The following MACF1 variants were observed in gnomAD, a reference collection of about 807,000 sequenced individuals.
The protein encoded by MACF1 is microtubule actin crosslinking factor 1, also known as microtubule-actin cross-linking factor 1.
Under a neutral mutation model 854.8 loss-of-function variants are expected in MACF1, and 193 were observed. That is an observed-to-expected ratio of 0.23 (90% CI 0.20 to 0.25). The LOEUF is 0.25. Ranked by LOEUF, MACF1 falls within the 10% of genes least tolerant of loss-of-function variation. MACF1 has a pLI of 1.00. For missense variants in MACF1, 7,722 were observed against 8,929.1 expected (o/e 0.86, Z 5.45); for synonymous variants, 3,185 against 3,226.7 (o/e 0.99, Z 0.44).
chr1:39,413,877 C>T, intron 58 of MACF1: 1 of 1,610,364 alleles, frequency 6.2e-7, no homozygotes, highest in Non-Finnish European at 8.5e-7. Flanking sequence ...CAGTGCCCAC[C>T]CCTGCAGCTA....
In MACF1 at chr1:39,218,528, C is replaced by T. The variant is rs540410527; in HGVS notation, c.110-12654C>T. On this transcript the variant is annotated intron_variant, in intron 1 of 100. Transcript: ENST00000564288. ...GATTTTTGAGGACTCTTAAAACTCTCTCTTTGTATTTATGAAATGCTTCGT... is the reference window on the plus strand; with the variant it reads ...GATTTTTGAGGACTCTTAAAACTCTTTCTTTGTATTTATGAAATGCTTCGT... Among the ~76,000 whole-genome samples the T allele has an allele frequency of 1.6e-3, 248 of 152,174 alleles. 1 individual carries two copies. The highest frequency in any genetic ancestry group is 3.0e-3 in the Non-Finnish European group (206 of 68,014).
At chr1:39,394,798 C>T (rs1191534659) in intron 58 of MACF1, among the ~76,000 whole-genome samples, 1 of 152,206 alleles carries the variant, frequency 6.6e-6, no homozygotes. Context: ...ATGAGGTTAG[C>T]GTTATCTACC....
chr1:39,346,855 T>G, intron 40 of MACF1, 122 bp from the exon 41 acceptor site: 1 of 693,434 alleles, frequency 1.4e-6, no homozygotes. Context: ...CCTAGAATCA[T>G]TAGTGCCAGT....
chr1:39,315,395 C>T (rs1646392646), intron 26 of MACF1, 118 bp from the exon 27 acceptor site: 1 of 769,410 alleles, frequency 1.3e-6, no homozygotes, highest in Admixed American at 2.5e-5. Context: ...ATTCAACCAG[C>T]CTCCTATATA....
intron 6 of MACF1, among the ~76,000 whole-genome samples, chr1:39,260,831 CA>C (rs1645155481): frequency 6.6e-6 from 1 of 152,070 alleles, no homozygotes; most frequent in South Asian, 2.1e-4. Context: ...GACTTTATAT[CA>C]TTTTTTTTCT....
At chr1:39,232,641 A>G (rs775062531) in intron 2 of MACF1, among the ~76,000 whole-genome samples, 8 of 152,068 alleles carry the variant, frequency 5.3e-5, no homozygotes, top group Non-Finnish European at 8.8e-5. Flanking sequence ...AAAGAAACAT[A>G]AGTAGAAATG....
chr1:39,238,540 A>G (rs1331354709), intron 2 of MACF1, among the ~76,000 whole-genome samples: 1 of 152,148 alleles, frequency 6.6e-6, no homozygotes, highest in East Asian at 1.9e-4. Context: ...AACTGAATCA[A>G]TCCTACCTTG....
chr1:39,428,153 T>A lies in MACF1; in HGVS notation c.16669T>A (p.Ser5557Thr), dbSNP rs760276475. ...RKAALLDQAL[S>T]NARLFGEDEV... ...GGCAGCCCTACTTGACCAAGCTCTG[T>A]CTAATGCTAGGCTGTTTGGGGAGGA... Residue 5557 changes from serine to threonine, a missense_variant, in exon 63 of 101, where the codon TCT (serine) becomes ACT (threonine). Coordinates refer to ENST00000564288, the MANE Select transcript of MACF1 (RefSeq NM_001394062.1). 6.2e-7 allele frequency: 1 copy of A among 1,614,192 alleles called. No individual in the cohort carries two copies. The highest frequency in any genetic ancestry group is 8.5e-7 in the Non-Finnish European group (1 of 1,180,036).
At chr1:39,452,846 T>A (rs1310056918) in intron 87 of MACF1, 34 bp downstream of exon 87, 1 of 1,607,366 alleles carries the variant, frequency 6.2e-7, no homozygotes, top group Admixed American at 1.7e-5. Flanking sequence ...GACCTCATGC[T>A]ACCTACCACC....
At chr1:39,281,623 TGGGACTACAG>T (rs1645548976) in intron 6 of MACF1, among the ~76,000 whole-genome samples, 1 of 152,148 alleles carries the variant, frequency 6.6e-6, no homozygotes, top group South Asian at 2.1e-4. Context: ...CATGAGTAAC[TGGGACTACAG>T]GCATGAGCCA....
intron 2 of MACF1, among the ~76,000 whole-genome samples, chr1:39,153,212 C>T (rs1257411234): frequency 6.6e-6 from 1 of 152,162 alleles, no homozygotes; most frequent in Admixed American, 6.5e-5. Context: ...GTGACTCTTA[C>T]CTCTGATCTT....
rs142740781 is a variant in MACF1 at position 39,219,188 on chromosome 1, T to C, written c.110-11994T>C. ...TACTTTCTCAGCCTACACCAGTCAT[T>C]GGTGATAAATGCCTTTCATGAATCC... is the stretch of plus-strand genomic sequence containing the variant. On this transcript the variant is annotated intron_variant, in intron 1 of 100. Transcript: ENST00000564288. Among the ~76,000 whole-genome samples, 479 of 152,368 alleles carry C rather than the reference T, an allele frequency of 3.1e-3. 2 individuals are homozygous for C. Among genetic ancestry groups the C allele is most frequent in the South Asian group, 0.015 (73 of 4,826 alleles).
Position 39,310,995 on chromosome 1 carries a change from C to A in MACF1, c.3265C>A (p.Gln1089Lys). The change falls in exon 26 of 101, where the codon CAA becomes AAA. Residue 1089 changes from glutamine to lysine, a missense_variant. By Grantham distance (53) the Gln-to-Lys change is moderately conservative. Coordinates refer to ENST00000564288, the MANE Select transcript of MACF1 (RefSeq NM_001394062.1). ...WQDNALRIAE[Q>K]EHTQEDLQQL... ...GGACAATGCATTAAGGATTGCAGAG[C>A]AAGAGGTAAGCCCTAAGAGCCATGT... 1 of 1,611,708 alleles carries A rather than the reference C, an allele frequency of 6.2e-7. No individual in the cohort carries two copies.
At chr1:39,211,193 C>G in intron 1 of MACF1, among the ~76,000 whole-genome samples, 1 of 152,070 alleles carries the variant, frequency 6.6e-6, no homozygotes, top group East Asian at 1.9e-4. Flanking sequence ...AACTTGAACT[C>G]CTGACCTCAA....
chr1:39,196,838 G>A (rs1019839922), intron 2 of MACF1, among the ~76,000 whole-genome samples: 1 of 152,192 alleles, frequency 6.6e-6, no homozygotes, highest in African/African-American at 2.4e-5. Context: ...ATTCTGGGGT[G>A]TTGCCTTGTG....
intron 2 of MACF1, among the ~76,000 whole-genome samples, chr1:39,164,851 T>C (rs1643867866): frequency 6.6e-6 from 1 of 152,254 alleles, no homozygotes; most frequent in South Asian, 2.1e-4. Context: ...TTGGTAGATT[T>C]CTGCCTCTGG....
At chr1:39,447,373 A>G (rs1284786319) in intron 80 of MACF1, 59 bp from the exon 81 acceptor site, 10 of 1,561,998 alleles carry the variant, frequency 6.4e-6, no homozygotes, top group Admixed American at 3.5e-5. Context: ...CGCTGAGCCT[A>G]TAATTCCTGA....
chr1:39,164,152 T>C (rs1255986782), intron 2 of MACF1, among the ~76,000 whole-genome samples: 1 of 152,202 alleles, frequency 6.6e-6, no homozygotes, highest in Non-Finnish European at 1.5e-5. Flanking sequence ...TAGCGGGGCA[T>C]GTACATTGCT....
intron 2 of MACF1, among the ~76,000 whole-genome samples, chr1:39,138,427 C>A (rs929537445): frequency 2.0e-5 from 3 of 150,440 alleles, no homozygotes; most frequent in African/African-American, 7.3e-5. Flanking sequence ...ACCAAAAATA[C>A]AAAAAAAATT....
Sources: allele counts gnomAD v4.1 joint callset (sites outside exome capture counted in the v4.1 genomes callset), GRCh38; gene constraint gnomAD v4.1.1; transcripts MANE v1.5; gene names NCBI Gene and HGNC (gene_info 2026-07-23, HGNC 2026-07-21).